Variants in TEX26 observed in about 807,000 individuals in gnomAD.
TEX26 encodes the protein testis-expressed protein 26.
TEX26 carries 34 observed loss-of-function variants against 35.3 expected under a neutral mutation model. The ratio of observed to expected loss-of-function variants is 0.96; its 90% confidence interval spans 0.73 to 1.28. TEX26 has a LOEUF of 1.28. Ranked by LOEUF, TEX26 falls within the 50% of genes most tolerant of loss-of-function variation. The pLI is 0.00. For synonymous variants in TEX26, 136 were observed against 111.8 expected (o/e 1.22, Z -1.36); for missense variants, 371 against 330.1 (o/e 1.12, Z -0.96).
intron 6 of TEX26, among the ~76,000 whole-genome samples, chr13:30,972,852 G>A (rs1425964316): frequency 6.6e-6 from 1 of 152,206 alleles, no homozygotes; most frequent in African/African-American, 2.4e-5. Flanking sequence ...GGCCAGGCTG[G>A]TCTCAAACTC....
chr13:30,962,814 T>C (rs1214362805), intron 4 of TEX26, among the ~76,000 whole-genome samples: 1 of 118,922 alleles, frequency 8.4e-6, no homozygotes, highest in Non-Finnish European at 1.7e-5. Context: ...TGGGTTGTTT[T>C]TTGTTTTTGT....
chr13:30,967,033 T>A (rs532234073), intron 5 of TEX26, among the ~76,000 whole-genome samples: 2 of 152,190 alleles, frequency 1.3e-5, no homozygotes, highest in South Asian at 2.1e-4. Flanking sequence ...GAGGGAAGGA[T>A]GCAGTTGCTG....
At chr13:30,974,563 T>C (rs1478649828) in intron 6 of TEX26, among the ~76,000 whole-genome samples, 1 of 152,174 alleles carries the variant, frequency 6.6e-6, no homozygotes, top group African/African-American at 2.4e-5. Context: ...TGCTAACAAC[T>C]GCCAGCACAG....
chr13:30,972,625 T>C (rs950550308), intron 6 of TEX26, among the ~76,000 whole-genome samples: 6 of 152,124 alleles, frequency 3.9e-5, no homozygotes, highest in Non-Finnish European at 7.4e-5. Context: ...TTTGTTGTTG[T>C]TTTGTGTTTT....
intron 2 of TEX26, among the ~76,000 whole-genome samples, chr13:30,940,343 T>C (rs1953436754): frequency 7.8e-6 from 1 of 128,252 alleles, no homozygotes; most frequent in South Asian, 2.7e-4. Flanking sequence ...TTTTTTTTTT[T>C]TTTTTTTTGA....
chr13:30,943,086 G>A (rs958963660), intron 2 of TEX26, among the ~76,000 whole-genome samples: 22 of 152,170 alleles, frequency 1.4e-4, no homozygotes, highest in African/African-American at 5.3e-4. Flanking sequence ...GAGCAGTGTA[G>A]TCATTTTCAT....
intron 4 of TEX26, among the ~76,000 whole-genome samples, chr13:30,965,289 C>T (rs1318350523): frequency 1.3e-5 from 2 of 152,010 alleles, no homozygotes; most frequent in Non-Finnish European, 2.9e-5. Flanking sequence ...AATTATGTAT[C>T]CTTTGATATA....
At chr13:30,943,363 G>T (rs2138198596) in intron 2 of TEX26, among the ~76,000 whole-genome samples, 1 of 152,128 alleles carries the variant, frequency 6.6e-6, no homozygotes, top group East Asian at 1.9e-4. Context: ...AGACTTTACA[G>T]AATTCATTTA....
At chr13:30,965,399 T>C (rs1487022683) in intron 4 of TEX26, among the ~76,000 whole-genome samples, 2 of 152,200 alleles carry the variant, frequency 1.3e-5, no homozygotes, top group Non-Finnish European at 2.9e-5. Flanking sequence ...TGGAAGAGAG[T>C]TGAGTTCAGT....
intron 3 of TEX26, 104 bp from the exon 4 acceptor site, chr13:30,956,769 G>T: frequency 9.2e-7 from 1 of 1,083,382 alleles, no homozygotes; most frequent in Non-Finnish European, 1.3e-6. Flanking sequence ...GTGGCAGCTG[G>T]TTGTAAAGGA....
At chr13:30,961,541 TA>T (rs58557277) in intron 4 of TEX26, among the ~76,000 whole-genome samples, 124,274 of 152,138 alleles carry the variant, frequency 0.82, 51,354 homozygotes, top group East Asian at 0.97. Flanking sequence ...TTCCATTTTC[TA>T]AAAAAATGTG....
At chr13:30,961,078 A>G (rs915123537) in intron 4 of TEX26, among the ~76,000 whole-genome samples, 1 of 152,228 alleles carries the variant, frequency 6.6e-6, no homozygotes, top group Admixed American at 6.5e-5. Flanking sequence ...CCAGAGAGGT[A>G]ATTCTGACTG....
chr13:30,944,379 T>A (rs1566144529), intron 2 of TEX26, among the ~76,000 whole-genome samples: 1 of 152,046 alleles, frequency 6.6e-6, no homozygotes, highest in Non-Finnish European at 1.5e-5. Flanking sequence ...TTATGGTCTA[T>A]CAATTTTACC....
chr13:30,967,265 T>G (rs188498097), intron 5 of TEX26, among the ~76,000 whole-genome samples: 1 of 152,276 alleles, frequency 6.6e-6, no homozygotes, highest in East Asian at 1.9e-4. Context: ...ACAGAATTGA[T>G]GCTTAGCACC....
intron 2 of TEX26, 142 bp downstream of exon 2, chr13:30,939,920 T>G (rs1457372674): frequency 5.6e-6 from 4 of 707,978 alleles, no homozygotes. Flanking sequence ...TGTGCACACC[T>G]CTGCTCCAAG....
chr13:30,941,934 T>C (rs1229079537), intron 2 of TEX26, among the ~76,000 whole-genome samples: 2 of 152,192 alleles, frequency 1.3e-5, no homozygotes, highest in Admixed American at 1.3e-4. Flanking sequence ...AGGTTGGTTT[T>C]ATATCTTTAA....
At chr13:30,935,964 T>C (rs1443951175) in intron 1 of TEX26, among the ~76,000 whole-genome samples, 9 of 152,240 alleles carry the variant, frequency 5.9e-5, no homozygotes. Context: ...AGCACACTTG[T>C]AATTGCATTT....
chr13:30,954,153 T>C (rs538625104), intron 3 of TEX26, among the ~76,000 whole-genome samples: 2 of 152,048 alleles, frequency 1.3e-5, no homozygotes, highest in East Asian at 3.9e-4. Context: ...AGAGATGAGC[T>C]GGACATATGG....
chr13:30,965,495 C>A (rs1188388750), intron 4 of TEX26, among the ~76,000 whole-genome samples: 1 of 152,164 alleles, frequency 6.6e-6, no homozygotes, highest in Non-Finnish European at 1.5e-5. Flanking sequence ...GATGGTGTTA[C>A]ATGATATGCC....
Sources: gnomAD v4.1 joint callset for allele counts (sites outside exome capture counted in the v4.1 genomes callset) on GRCh38, gnomAD v4.1.1 for gene constraint, MANE v1.5 for transcripts, NCBI Gene and HGNC (gene_info 2026-07-23, HGNC 2026-07-21) for gene names.